Variants in OPN4 observed in about 807,000 individuals in gnomAD.
OPN4 encodes the protein opsin 4.
Under a neutral mutation model 49.5 loss-of-function variants are expected in OPN4, and 43 were observed. The ratio of observed to expected loss-of-function variants is 0.87; its 90% CI spans 0.68 to 1.12. OPN4 has a LOEUF of 1.12. Ranked by LOEUF, OPN4 falls within the 50% of genes most tolerant of loss-of-function variation. OPN4 has a pLI of 0.00. For missense variants in OPN4, 657 were observed against 643.9 expected, an observed-to-expected ratio of 1.02 and a Z score of -0.22; for synonymous variants, 263 against 258.0, an observed-to-expected ratio of 1.02 and a Z score of -0.19.
In OPN4 at chr10:86,662,304, C is replaced by A; in HGVS notation, c.1126C>A (p.Arg376Ser). The A allele has an allele frequency of 6.2e-7, 1 of 1,608,722 alleles. No individual in the cohort carries two copies. Among genetic ancestry groups the A allele is most frequent in the Non-Finnish European group, 8.5e-7 (1 of 1,178,924 alleles). The change falls in exon 8 of 10, where the codon CGC becomes AGC. Residue 376 changes from arginine to serine, a missense_variant. Coordinates refer to ENST00000241891, the MANE Select transcript of OPN4 (RefSeq NM_033282.4). The part of the protein sequence containing the change: ...PCLGVLLGVS[R>S]RHSRPYPSYR... Reference sequence around the variant, plus strand: ...CCTGGGGGTGCTGCTGGGTGTATCACGCCGGCACAGTCGCCCCTACCCCAG... The same window carrying A: ...CCTGGGGGTGCTGCTGGGTGTATCAAGCCGGCACAGTCGCCCCTACCCCAG...
In OPN4 at chr10:86,661,342, G is replaced by A. The variant is rs761998627; in HGVS notation, c.1027G>A (p.Ala343Thr). Residue 343 changes from alanine (A) to threonine (T), a missense_variant, in exon 7 of 10, where the codon GCA (alanine) becomes ACA (threonine). Transcript: ENST00000241891. ...SVPAVIAKASAIHNPIIYAIT... is the reference protein window; with the variant it reads ...SVPAVIAKASTIHNPIIYAIT... ...GCCAGCCGTCATCGCCAAGGCCTCTGCAATCCACAACCCCATCATTTACGC... is the reference window on the plus strand; with the variant it reads ...GCCAGCCGTCATCGCCAAGGCCTCTACAATCCACAACCCCATCATTTACGC... The A allele has an allele frequency of 1.9e-6, 3 of 1,614,082 alleles. No individual in the cohort carries two copies. The highest frequency in any genetic ancestry group is 3.3e-5 in the Admixed American group (2 of 60,010).
Position 86,665,893 on chromosome 10 carries a change from C to A in OPN4, c.*142C>A. The A allele has an allele frequency of 1.5e-6, 1 of 678,004 alleles. No homozygotes were observed. Among genetic ancestry groups the A allele is most frequent in the Admixed American group, 2.5e-5 (1 of 39,762 alleles). 42.0% of individuals were successfully genotyped at this position (678,004 alleles called of 1,614,324 possible). A position where few individuals can be genotyped will look rare whatever the true frequency, so the allele number is the denominator to read the frequency against. On this transcript the variant is annotated 3_prime_UTR_variant, in exon 10 of 10. Coordinates refer to ENST00000241891, the MANE Select transcript of OPN4 (RefSeq NM_033282.4). ...CCCGTGCTGCACGGGATTCACAGCC[C>A]CAGCCCCATGGCCCCTCTCCACACC...
In OPN4 at chr10:86,663,762, C is replaced by A; in HGVS notation, c.1358C>A (p.Pro453His). 1 of 1,561,570 alleles carries A rather than the reference C, an allele frequency of 6.4e-7. No homozygotes were observed. The highest frequency in any genetic ancestry group is 8.7e-7 in the Non-Finnish European group (1 of 1,153,164). The change falls in exon 9 of 10, where the codon CCC becomes CAC. Residue 453 changes from proline to histidine, a missense_variant. Transcript: ENST00000241891. ...CTGGAGGACTTGGAAGCCAAGGCAC[C>A]CCCCAGACCCCAGGGACACGAAGCA... Reference protein sequence around the residue: ...QGLEDLEAKAPPRPQGHEAET... With the variant: ...QGLEDLEAKAHPRPQGHEAET...
Position 86,658,580 on chromosome 10 carries a change from G to C in OPN4, c.521G>C (p.Arg174Pro). Residue 174 changes from arginine to proline, a missense_variant, in exon 4 of 10, where the codon CGC becomes CCC. Transcript: ENST00000241891. ...IALDRYLVIT[R>P]PLATFGVASK... Reference sequence around the variant, plus strand: ...CTGGACCGCTACCTGGTAATCACACGCCCGCTGGCCACCTTTGGTGTGGCG... The same window carrying C: ...CTGGACCGCTACCTGGTAATCACACCCCCGCTGGCCACCTTTGGTGTGGCG... 3.1e-6 allele frequency: 5 copies of C among 1,614,168 alleles called. No homozygotes were observed. Among genetic ancestry groups the C allele is most frequent in the Non-Finnish European group, 4.2e-6 (5 of 1,180,034 alleles).
In OPN4 at chr10:86,662,269, A is replaced by G; in HGVS notation, c.1091A>G (p.His364Arg). Residue 364 changes from histidine (H) to arginine (R), a missense_variant, in exon 8 of 10, where the codon CAC (histidine) becomes CGC (arginine). Transcript: ENST00000241891. ...CCCTGCAGGGTGGCCATTGCCCAGCACCTGCCCTGCCTGGGGGTGCTGCTG... is the reference window on the plus strand; with the variant it reads ...CCCTGCAGGGTGGCCATTGCCCAGCGCCTGCCCTGCCTGGGGGTGCTGCTG... Reference protein sequence around the residue: ...HPKYRVAIAQHLPCLGVLLGV... With the variant: ...HPKYRVAIAQRLPCLGVLLGV... 1 of 1,609,652 alleles carries G rather than the reference A, an allele frequency of 6.2e-7. No homozygotes were observed. Among genetic ancestry groups the G allele is most frequent in the Non-Finnish European group, 8.5e-7 (1 of 1,179,492 alleles).
chr10:86,656,280 G>A lies in OPN4; in HGVS notation c.270G>A (p.Thr90=), dbSNP rs150600156. The A allele has an allele frequency of 2.4e-5, 39 of 1,610,494 alleles. No individual in the cohort carries two copies. The highest frequency in any genetic ancestry group is 1.2e-4 in the African/African-American group (9 of 74,870). ...VGLTGMLGNL[T]VIYTFCRSRS... ...TCACGGGGATGCTGGGCAACCTGAC[G>A]GTCATCTATACCTTCTGCAGGTGCC... Residue 90 remains threonine (T), a synonymous_variant, in exon 2 of 10, where the codon ACG becomes ACA. Coordinates refer to ENST00000241891, the MANE Select transcript of OPN4 (RefSeq NM_033282.4).
intron 8 of OPN4, 115 bp downstream of exon 8, chr10:86,662,547 T>C: frequency 1.0e-6 from 1 of 1,001,888 alleles, no homozygotes; most frequent in Non-Finnish European, 1.4e-6. Context: ...TCAGGGACAC[T>C]GAGGACGCTG....
In OPN4 at chr10:86,666,028, T is replaced by C. The variant is rs1026880698; in HGVS notation, c.*277T>C. The C allele has an allele frequency of 5.9e-6, 3 of 505,288 alleles. No individual in the cohort carries two copies. In the East Asian group the frequency reaches 1.0e-4, roughly 17 times the overall value. The allele number at this position is 505,288 out of a possible 1,614,324, so 31.3% of individuals were successfully genotyped here. Reference sequence around the variant, plus strand: ...CCAGGCCCTCCCACTTCCCGAGTTGTCTGCCTCTCCTCAAATGCTGTGTGC... The same window carrying C: ...CCAGGCCCTCCCACTTCCCGAGTTGCCTGCCTCTCCTCAAATGCTGTGTGC... On this transcript the variant is annotated 3_prime_UTR_variant, in exon 10 of 10. Coordinates refer to ENST00000241891, the MANE Select transcript of OPN4 (RefSeq NM_033282.4).
rs375209241 is a variant in OPN4, at chr10:86,656,165, C to T, written c.155C>T (p.Thr52Ile). 2.5e-6 allele frequency: 4 copies of T among 1,614,110 alleles called. No individual in the cohort carries two copies. The African/African-American group carries it at 5.3e-5, about 22-fold the overall frequency. ...TCTGTCTCTCCGCAGGCACCTGGGACTTGGGCTGCTGCCTGGGTCCCCCTC... is the reference window on the plus strand; with the variant it reads ...TCTGTCTCTCCGCAGGCACCTGGGATTTGGGCTGCTGCCTGGGTCCCCCTC... ...LPSISPTAPGTWAAAWVPLPT... is the reference protein window; with the variant it reads ...LPSISPTAPGIWAAAWVPLPT... Residue 52 changes from threonine to isoleucine, a missense_variant, in exon 2 of 10, where the codon ACT (threonine) becomes ATT (isoleucine). Thr to Ile is a moderately conservative substitution (Grantham distance 89, BLOSUM62 -1). Transcript: ENST00000241891.
chr10:86,663,614 C>A, intron 8 of OPN4, 45 bp from the exon 9 acceptor site: 3 of 1,456,630 alleles, frequency 2.1e-6, no homozygotes, highest in Non-Finnish European at 2.7e-6. Context: ...AGCAAAGCTA[C>A]GGACTGTCCC....
chr10:86,659,850 C>T, intron 5 of OPN4, 45 bp from the exon 6 acceptor site: 1 of 1,602,570 alleles, frequency 6.2e-7, no homozygotes, highest in South Asian at 1.1e-5. Context: ...CTGGTGCTGA[C>T]TGCCACCCGA....
At chr10:86,664,451 G>C (rs531565384) in intron 9 of OPN4, among the ~76,000 whole-genome samples, 1 of 152,288 alleles carries the variant, frequency 6.6e-6, no homozygotes, top group East Asian at 1.9e-4. Flanking sequence ...CCTATGGAAC[G>C]GAATGTTGAT....
chr10:86,664,502 C>T (rs1248102445), intron 9 of OPN4, among the ~76,000 whole-genome samples: 2 of 152,166 alleles, frequency 1.3e-5, no homozygotes, highest in East Asian at 3.8e-4. Flanking sequence ...CTGGAAATGT[C>T]GTGTGCACAG....
Position 86,665,770 on chromosome 10 carries a change from C to G in OPN4, c.*19C>G, listed in dbSNP as rs764239354. 28 of 1,607,522 alleles carry G rather than the reference C, an allele frequency of 1.7e-5. No individual in the cohort carries two copies. The South Asian group carries it at 3.0e-4, about 17-fold the overall frequency. ...GATGTAGGACGCCCACTGGCTCTCCCTTTCTTCTGAGACACATCCAGCCCC... is the reference window on the plus strand; with the variant it reads ...GATGTAGGACGCCCACTGGCTCTCCGTTTCTTCTGAGACACATCCAGCCCC... On this transcript the variant is annotated 3_prime_UTR_variant, in exon 10 of 10. Transcript: ENST00000241891.
chr10:86,660,017 C>T lies in OPN4; in HGVS notation c.923C>T (p.Ser308Phe), dbSNP rs559392371. Residue 308 changes from serine (S) to phenylalanine (F), a missense_variant, in exon 6 of 10, where the codon TCC becomes TTC. Ser to Phe is a radical substitution (Grantham distance 155). Coordinates refer to ENST00000241891, the MANE Select transcript of OPN4 (RefSeq NM_033282.4). Reference protein sequence around the residue: ...MLLVILLFVLSWAPYSAVALV... With the variant: ...MLLVILLFVLFWAPYSAVALV... ...CTGGTCATCCTCCTCTTCGTGCTCT[C>T]CTGGGCTCCCTATTCCGCTGTGGCC... The T allele has an allele frequency of 1.9e-5, 30 of 1,614,230 alleles. No homozygotes were observed. In the South Asian group the frequency reaches 3.0e-4, roughly 16 times the overall value.
At chr10:86,657,155 A>C (rs1455431072) in intron 2 of OPN4, 1 of 779,428 alleles carries the variant, frequency 1.3e-6, no homozygotes, top group Admixed American at 1.7e-5. Context: ...TGGGCACGTC[A>C]TTTCTCCTCC....
At chr10:86,657,937 A>C (rs1392337717) in intron 2 of OPN4, 95 bp from the exon 3 acceptor site, 24 of 1,314,032 alleles carry the variant, frequency 1.8e-5, no homozygotes, top group Admixed American at 2.2e-5. Flanking sequence ...AGTGTGTGGC[A>C]CGTGTGTGCA....
chr10:86,661,138 A>G (rs758480183), intron 6 of OPN4, 143 bp from the exon 7 acceptor site: 11 of 659,250 alleles, frequency 1.7e-5, no homozygotes, highest in African/African-American at 5.5e-5. Flanking sequence ...TTATCCTGGC[A>G]CTGCCAATTC....
At chr10:86,662,150 T>C (rs540932761) in intron 7 of OPN4, 102 bp from the exon 8 acceptor site, 14 of 978,720 alleles carry the variant, frequency 1.4e-5, no homozygotes, top group Non-Finnish European at 1.8e-5. Context: ...CCAGAGGCTC[T>C]CGGTCACCGC....
Sources: allele counts gnomAD v4.1 joint callset (sites outside exome capture counted in the v4.1 genomes callset), GRCh38; gene constraint gnomAD v4.1.1; transcripts MANE v1.5; gene names NCBI Gene and HGNC (gene_info 2026-07-23, HGNC 2026-07-21).